DDAH1: variants seen among roughly 807,000 people sequenced by gnomAD.
DDAH1 encodes the protein dimethylarginine dimethylaminohydrolase 1, also known as N(G),N(G)-dimethylarginine dimethylaminohydrolase 1.
DDAH1 carries 19 observed loss-of-function variants against 28.8 expected under a neutral mutation model. That is an observed-to-expected ratio of 0.66 (90% confidence interval 0.46 to 0.97). DDAH1 has a LOEUF of 0.97. Among genes scored for constraint, DDAH1 ranks in the 50% least tolerant of loss-of-function variants. The pLI is 0.00. For synonymous variants in DDAH1, 153 were observed against 154.4 expected (o/e 0.99, Z 0.07); for missense variants, 326 against 375.9 (o/e 0.87, Z 1.10).
At chr1:85,409,252 C>T (rs945292459) in intron 1 of DDAH1, among the ~76,000 whole-genome samples, 1 of 152,120 alleles carries the variant, frequency 6.6e-6, no homozygotes, top group Non-Finnish European at 1.5e-5. Context: ...ACCCCTGGTC[C>T]AGACTTTCCA....
chr1:85,318,636 T>C lies in DDAH1; in HGVS notation c.*2816A>G, dbSNP rs950937023. 1.3e-5 allele frequency: 2 copies of C among 152,636 alleles called. No homozygotes were observed. Among genetic ancestry groups the C allele is most frequent in the South Asian group, 4.1e-4 (2 of 4,832 alleles). 9.5% of individuals were successfully genotyped at this position (152,636 alleles called of 1,614,324 possible). ...GGCACACAGAGTGGATAACCATACA[T>C]TGGCTGGAATGAGGTGGTCAGGAAA... On this transcript the variant is annotated 3_prime_UTR_variant, in exon 6 of 6. Coordinates refer to ENST00000284031, the MANE Select transcript of DDAH1 (RefSeq NM_012137.4).
intron 1 of DDAH1, among the ~76,000 whole-genome samples, chr1:85,507,254 C>T (rs926603473): frequency 6.6e-6 from 1 of 152,116 alleles, no homozygotes; most frequent in Admixed American, 6.6e-5. Flanking sequence ...CCTGTAATCG[C>T]AGCACCTTGG....
At chr1:85,534,124 A>G (rs559087955) in intron 1 of DDAH1, among the ~76,000 whole-genome samples, 1 of 152,286 alleles carries the variant, frequency 6.6e-6, no homozygotes, top group East Asian at 1.9e-4. Flanking sequence ...GAAAAGCTCA[A>G]TTCTTTGCAT....
At chr1:85,433,826 A>G (rs796695803) in intron 1 of DDAH1, among the ~76,000 whole-genome samples, 14 of 152,336 alleles carry the variant, frequency 9.2e-5, no homozygotes, top group African/African-American at 3.4e-4. Context: ...TAAGATACAA[A>G]TAAAATATTG....
chr1:85,349,319 AG>A (rs1649055200), intron 4 of DDAH1, among the ~76,000 whole-genome samples: 1 of 152,238 alleles, frequency 6.6e-6, no homozygotes, highest in African/African-American at 2.4e-5. Flanking sequence ...GCTAGCTCAA[AG>A]AGTGGCAGAT....
chr1:85,402,561 T>A (rs1652162817), intron 1 of DDAH1, among the ~76,000 whole-genome samples: 1 of 152,344 alleles, frequency 6.6e-6, no homozygotes, highest in South Asian at 2.1e-4. Context: ...ATGCTTTGTA[T>A]ATTTTTCTGG....
intron 1 of DDAH1, among the ~76,000 whole-genome samples, chr1:85,505,505 G>C (rs1485153366): frequency 6.6e-6 from 1 of 152,120 alleles, no homozygotes; most frequent in Non-Finnish European, 1.5e-5. Flanking sequence ...AAGAGAATCA[G>C]GTGCATACAG....
chr1:85,348,789 T>C (rs1649019393), intron 4 of DDAH1, among the ~76,000 whole-genome samples: 1 of 152,224 alleles, frequency 6.6e-6, no homozygotes, highest in African/African-American at 2.4e-5. Flanking sequence ...CCTTTTATTT[T>C]GTTATGTGTT....
In DDAH1 at chr1:85,455,184, T is replaced by C. The variant is rs543691785; in HGVS notation, c.303+9559A>G. Among the ~76,000 whole-genome samples the C allele has an allele frequency of 7.0e-4, 107 of 152,200 alleles. 3 individuals carry two copies. Among genetic ancestry groups the C allele is most frequent in the Non-Finnish European group, 3.1e-4 (21 of 68,034 alleles). On this transcript the variant is annotated intron_variant, in intron 1 of 5. Transcript: ENST00000284031. The stretch of plus-strand genomic sequence containing the variant: ...ATTACATCATAAATGGCCTAAAATA[T>C]GACCTAAAGCCAAACTGTAGTAATA...
chr1:85,576,051 T>TA (rs1254263286), intron 1 of DDAH1: 14 of 145,484 alleles, frequency 9.6e-5, no homozygotes, highest in African/African-American at 3.6e-4. Context: ...CCCTAAAACT[T>TA]AAAGTATAAT....
Position 85,550,517 on chromosome 1 carries a change from G to T in DDAH1, c.-123+27467C>A, listed in dbSNP as rs145607820. ...CTCCCCTTAAAGGGGAGAATTATTTGGTGTTGTGATGAATTGCCCATAATC... is the reference window on the plus strand; with the variant it reads ...CTCCCCTTAAAGGGGAGAATTATTTTGTGTTGTGATGAATTGCCCATAATC... On this transcript the variant is annotated intron_variant, in intron 1 of 6. Coordinates refer to the DDAH1 transcript ENST00000426972. Among the ~76,000 whole-genome samples, 101 of 152,240 alleles carry T rather than the reference G, an allele frequency of 6.6e-4. 2 individuals carry two copies. The East Asian group carries it at 9.5e-3, about 14-fold the overall frequency.
At chr1:85,523,058 G>A (rs1424101173) in intron 1 of DDAH1, among the ~76,000 whole-genome samples, 1 of 151,046 alleles carries the variant, frequency 6.6e-6, no homozygotes, top group East Asian at 1.9e-4. Context: ...TGTTGGGGGT[G>A]GGATGCACGA....
At chr1:85,545,638 T>C (rs1321895071) in intron 1 of DDAH1, among the ~76,000 whole-genome samples, 1 of 152,164 alleles carries the variant, frequency 6.6e-6, no homozygotes, top group African/African-American at 2.4e-5. Flanking sequence ...GTTCCCTTTC[T>C]TAATTTCCTT....
intron 1 of DDAH1, among the ~76,000 whole-genome samples, chr1:85,439,219 C>T (rs901367342): frequency 3.9e-5 from 6 of 152,210 alleles, no homozygotes; most frequent in African/African-American, 1.2e-4. Flanking sequence ...GATTACCAAG[C>T]ATCCTTCTGT....
chr1:85,495,327 T>C (rs1255916937), intron 2 of DDAH1: 3 of 152,084 alleles, frequency 2.0e-5, no homozygotes, highest in African/African-American at 7.2e-5. Context: ...AGCAAAGTCA[T>C]GGGTTTGAAG....
At chr1:85,418,955 TG>T (rs1653008774) in intron 1 of DDAH1, among the ~76,000 whole-genome samples, 1 of 152,162 alleles carries the variant, frequency 6.6e-6, no homozygotes, top group Admixed American at 6.5e-5. Context: ...GGTTGATGTC[TG>T]CATTACAAGA....
intron 1 of DDAH1, among the ~76,000 whole-genome samples, chr1:85,550,049 C>G (rs541004482): frequency 5.9e-5 from 9 of 152,258 alleles, no homozygotes; most frequent in African/African-American, 1.9e-4. Context: ...AAATCCTCAG[C>G]ATGTCTGGTA....
intron 5 of DDAH1, among the ~76,000 whole-genome samples, chr1:85,323,680 A>G (rs1661445042): frequency 6.6e-6 from 1 of 152,052 alleles, no homozygotes. Flanking sequence ...ATACTCCTCT[A>G]CCTAAAGAAA....
chr1:85,545,545 C>T (rs1320029055), intron 1 of DDAH1, among the ~76,000 whole-genome samples: 1 of 152,148 alleles, frequency 6.6e-6, no homozygotes, highest in Non-Finnish European at 1.5e-5. Context: ...CTGTGAATGA[C>T]CTCTTTCACT....
Sources: gnomAD v4.1 joint callset for allele counts (sites outside exome capture counted in the v4.1 genomes callset) on GRCh38, gnomAD v4.1.1 for gene constraint, MANE v1.5 for transcripts, NCBI Gene and HGNC (gene_info 2026-07-23, HGNC 2026-07-21) for gene names.